Variants in SETBP1 observed in about 807,000 individuals in gnomAD.
The protein encoded by SETBP1 is SET-binding protein.
SETBP1 carries 9 observed loss-of-function variants against 101.0 expected under a neutral mutation model. The ratio of observed to expected loss-of-function variants is 0.09; its 90% CI spans 0.05 to 0.16. The LOEUF is 0.16. Ranked by LOEUF, SETBP1 falls within the 10% of genes least tolerant of loss-of-function variation. The probability of loss-of-function intolerance (pLI) is 1.00; values close to 1 mark genes in which losing one functional copy is unlikely to be tolerated. For missense variants in SETBP1, 1,858 were observed against 2,033.8 expected, an observed-to-expected ratio of 0.91 and a Z score of 1.66; for synonymous variants, 818 against 788.5, an observed-to-expected ratio of 1.04 and a Z score of -0.63.
chr18:44,995,135 CTTTTTTTTTTTT>C (rs58617770), intron 4 of SETBP1, among the ~76,000 whole-genome samples: 2 of 95,030 alleles, frequency 2.1e-5, no homozygotes, highest in Admixed American at 1.3e-4. Context: ...ATGTTATTTA[CTTTTTTTTTTTT>C]TTTTTTTTTT....
Position 44,702,606 on chromosome 18 carries a change from T to A in SETBP1, c.486+774T>A, listed in dbSNP as rs367799579. 2.0e-5 allele frequency among the ~76,000 whole-genome samples: 3 copies of A among 152,186 alleles called. No individual in the cohort carries two copies. In the East Asian group the frequency reaches 5.8e-4, roughly 29 times the overall value. On this transcript the variant is annotated intron_variant, in intron 2 of 5. Coordinates refer to ENST00000649279, the MANE Select transcript of SETBP1 (RefSeq NM_015559.3). ...CTTTGTTTGCATTAGTTTTCATAGT[T>A]AGGAGTGAGATATTAAAAAATTTGA...
intron 3 of SETBP1, among the ~76,000 whole-genome samples, chr18:44,931,976 G>A (rs565299163): frequency 2.8e-4 from 42 of 152,232 alleles, no homozygotes; most frequent in South Asian, 8.3e-4. Context: ...ATTTGATCCC[G>A]TCATTATGAT....
At chr18:44,772,955 A>T (rs2070908584) in intron 2 of SETBP1, among the ~76,000 whole-genome samples, 1 of 152,130 alleles carries the variant, frequency 6.6e-6, no homozygotes, top group Non-Finnish European at 1.5e-5. Context: ...TGGAGGTATG[A>T]ACTGTGCCTT....
At chr18:44,938,391 C>G (rs1452948392) in intron 3 of SETBP1, among the ~76,000 whole-genome samples, 1 of 152,208 alleles carries the variant, frequency 6.6e-6, no homozygotes, top group African/African-American at 2.4e-5. Flanking sequence ...CCCATAGAAA[C>G]AATCAATGAT....
At chr18:44,775,706 C>CA (rs998731466) in intron 2 of SETBP1, among the ~76,000 whole-genome samples, 3 of 144,080 alleles carry the variant, frequency 2.1e-5, no homozygotes, top group Non-Finnish European at 4.5e-5. Context: ...TAGAGAGCAC[C>CA]ATTTTTTTTT....
At chr18:45,001,475 G>A (rs1289843423) in intron 4 of SETBP1, among the ~76,000 whole-genome samples, 1 of 152,180 alleles carries the variant, frequency 6.6e-6, no homozygotes, top group Non-Finnish European at 1.5e-5. Flanking sequence ...TTAACAACAA[G>A]TAGAGCTACC....
rs2073863965 is a variant in SETBP1 at position 45,059,782 on chromosome 18, A to T, written c.4172-3297A>T. ...TCTATGGGGCAGCACACACATAGAG[A>T]ACATTTTCGCCATCTTAGAAAACTC... is the stretch of plus-strand genomic sequence containing the variant. On this transcript the variant is annotated intron_variant, in intron 5 of 5. Transcript: ENST00000649279. Among the ~76,000 whole-genome samples the T allele has an allele frequency of 2.0e-5, 3 of 152,210 alleles. No individual in the cohort carries two copies. In the South Asian group the frequency reaches 6.2e-4, roughly 32 times the overall value.
intron 2 of SETBP1, among the ~76,000 whole-genome samples, chr18:44,764,151 T>C (rs1461569292): frequency 1.3e-5 from 2 of 152,226 alleles, no homozygotes; most frequent in Non-Finnish European, 2.9e-5. Context: ...GGCAATGGCC[T>C]GCGGAGTCCT....
rs1050167249 is a variant in SETBP1 at position 44,950,076 on chromosome 18, G to A, written c.736G>A (p.Ala246Thr). 6.2e-7 allele frequency: 1 copy of A among 1,614,204 alleles called. No homozygotes were observed. Among genetic ancestry groups the A allele is most frequent in the African/African-American group, 1.3e-5 (1 of 75,062 alleles). ...FISPESGRET[A>T]STSKIPALEP... ...CAGTCCAGAGTCTGGCAGAGAAACTGCAAGCACCAGCAAGATCCCCGCTCT... is the reference window on the plus strand; with the variant it reads ...CAGTCCAGAGTCTGGCAGAGAAACTACAAGCACCAGCAAGATCCCCGCTCT... The change falls in exon 4 of 6, where the codon GCA becomes ACA. Residue 246 changes from alanine to threonine, a missense_variant. Ala to Thr is a moderately conservative substitution (Grantham distance 58, BLOSUM62 0). Coordinates refer to ENST00000649279, the MANE Select transcript of SETBP1 (RefSeq NM_015559.3).
At chr18:44,905,351 T>G (rs1341096061) in intron 3 of SETBP1, among the ~76,000 whole-genome samples, 1 of 152,178 alleles carries the variant, frequency 6.6e-6, no homozygotes, top group Non-Finnish European at 1.5e-5. Context: ...AGCTGACTTT[T>G]TCTGGAGGGT....
At chr18:44,862,406 A>G (rs1421584537) in intron 2 of SETBP1, among the ~76,000 whole-genome samples, 1 of 152,132 alleles carries the variant, frequency 6.6e-6, no homozygotes, top group Non-Finnish European at 1.5e-5. Flanking sequence ...TGAGGCTGAG[A>G]GGATTTAGCA....
At chr18:44,726,904 G>A (rs2069720039) in intron 2 of SETBP1, among the ~76,000 whole-genome samples, 1 of 152,202 alleles carries the variant, frequency 6.6e-6, no homozygotes, top group South Asian at 2.1e-4. Context: ...ATCAACTGGG[G>A]AGATAAATCC....
intron 4 of SETBP1, among the ~76,000 whole-genome samples, chr18:44,967,221 A>G (rs754702381): frequency 6.6e-6 from 1 of 152,184 alleles, no homozygotes; most frequent in Admixed American, 6.5e-5. Context: ...CAAAATACAC[A>G]TTTCACCCAA....
chr18:44,757,272 G>A (rs186054114), intron 2 of SETBP1, among the ~76,000 whole-genome samples: 17 of 152,240 alleles, frequency 1.1e-4, no homozygotes, highest in Non-Finnish European at 2.2e-4. Flanking sequence ...ATTTTTGTCC[G>A]TGAAAAATGT....
intron 4 of SETBP1, among the ~76,000 whole-genome samples, chr18:44,955,715 A>G (rs189745532): frequency 6.6e-6 from 1 of 152,264 alleles, no homozygotes; most frequent in Admixed American, 6.5e-5. Flanking sequence ...CCTGCCTGCC[A>G]CCAAGCTAGT....
intron 2 of SETBP1, among the ~76,000 whole-genome samples, chr18:44,801,154 A>T (rs2071599453): frequency 6.6e-6 from 1 of 152,120 alleles, no homozygotes; most frequent in African/African-American, 2.4e-5. Context: ...GCGGGGAGGG[A>T]TAGCATTAGG....
chr18:44,936,128 G>C (rs766074347), intron 3 of SETBP1, among the ~76,000 whole-genome samples: 3 of 152,216 alleles, frequency 2.0e-5, no homozygotes, highest in Non-Finnish European at 2.9e-5. Context: ...GAATGTATCT[G>C]AATCAGGACT....
intron 2 of SETBP1, among the ~76,000 whole-genome samples, chr18:44,752,522 C>A (rs2070406902): frequency 1.3e-5 from 2 of 152,162 alleles, no homozygotes; most frequent in Admixed American, 1.3e-4. Context: ...TTTTGCACTC[C>A]AGCAGCAACA....
chr18:45,056,004 G>A (rs2073802366), intron 5 of SETBP1, among the ~76,000 whole-genome samples: 1 of 152,086 alleles, frequency 6.6e-6, no homozygotes, highest in South Asian at 2.1e-4. Context: ...TACTGTAAAG[G>A]GACATTAAGT....
Sources: gnomAD v4.1 joint callset for allele counts (sites outside exome capture counted in the v4.1 genomes callset) on GRCh38, gnomAD v4.1.1 for gene constraint, MANE v1.5 for transcripts, NCBI Gene and HGNC (gene_info 2026-07-23, HGNC 2026-07-21) for gene names.